PCDHA5: variants seen among roughly 807,000 people sequenced by gnomAD.
PCDHA5 encodes protocadherin alpha-5.
A neutral mutation model predicts 61.6 loss-of-function variants in PCDHA5; 43 were observed. That is an observed-to-expected ratio of 0.70 (90% CI 0.55 to 0.90). The LOEUF (loss-of-function observed/expected upper bound fraction) is 0.90. PCDHA5 is among the 40% of genes least tolerant of loss of function. The pLI is 0.00. For missense variants in PCDHA5, 1,298 were observed against 1,222.7 expected (o/e 1.06, Z -0.92); for synonymous variants, 627 against 543.9 (o/e 1.15, Z -2.13).
At chr5:140,856,650 G>T in intron 1 of PCDHA5, 1 of 1,598,142 alleles carries the variant, frequency 6.3e-7, no homozygotes, top group Admixed American at 1.7e-5. Context: ...CTGCTGGATC[G>T]TGAAGAAAAT....
At chr5:140,997,670 G>A (rs1587757819) in intron 3 of PCDHA5, among the ~76,000 whole-genome samples, 1 of 79,680 alleles carries the variant, frequency 1.3e-5, no homozygotes, top group Non-Finnish European at 2.9e-5. Flanking sequence ...TATACAGCTT[G>A]TGTGTGTGTG....
intron 3 of PCDHA5, among the ~76,000 whole-genome samples, chr5:140,987,258 G>A (rs1292743876): frequency 6.6e-6 from 1 of 151,918 alleles, no homozygotes; most frequent in Non-Finnish European, 1.5e-5. Context: ...ACATTCTCAG[G>A]AATGGGACCC....
intron 1 of PCDHA5, among the ~76,000 whole-genome samples, chr5:140,893,957 G>T (rs1308768731): frequency 1.3e-5 from 2 of 152,100 alleles, no homozygotes; most frequent in African/African-American, 4.8e-5. Context: ...GACTTTATTA[G>T]TCATTAGATA....
In PCDHA5 at chr5:140,835,966, T is replaced by C. The variant is rs2150249207; in HGVS notation, c.2352+11839T>C. The C allele has an allele frequency of 5.6e-6, 9 of 1,613,230 alleles. 1 individual carries two copies. In the South Asian group the frequency reaches 8.8e-5, roughly 16 times the overall value. On this transcript the variant is annotated intron_variant, in intron 1 of 3. Transcript: ENST00000529859. ...CTGCAGCCGTTGGACCACGAGGAGC[T>C]GGAGCTGTTGCAGTTCCAGGTGAGC... is the stretch of plus-strand genomic sequence containing the variant.
intron 2 of PCDHA5, 38 bp from the exon 3 acceptor site, chr5:140,982,437 A>G: frequency 6.2e-7 from 1 of 1,613,390 alleles, no homozygotes; most frequent in East Asian, 2.2e-5. Flanking sequence ...GAAAGAATTT[A>G]TGATCTAACC....
At chr5:140,927,905 C>T in intron 1 of PCDHA5, 3 of 1,614,210 alleles carry the variant, frequency 1.9e-6, no homozygotes, top group Non-Finnish European at 2.5e-6. Context: ...GATCATGCCC[C>T]CGAACTGGAC....
At chr5:140,827,522 A>G (rs1769311626) in intron 1 of PCDHA5, among the ~76,000 whole-genome samples, 2 of 151,350 alleles carry the variant, frequency 1.3e-5, no homozygotes. Flanking sequence ...TAAAAATTCA[A>G]CCAAAATTTG....
In PCDHA5 at chr5:141,010,283, C is replaced by T. The variant is rs1554262872; in HGVS notation, c.*346C>T. ...TGCTCCGGGGATCCTGTCTTGATGACACTTGCAGGGCAGGCTGAAAAGTTT... is the reference window on the plus strand; with the variant it reads ...TGCTCCGGGGATCCTGTCTTGATGATACTTGCAGGGCAGGCTGAAAAGTTT... On this transcript the variant is annotated 3_prime_UTR_variant, in exon 4 of 4. Transcript: ENST00000529859. 6.4e-7 allele frequency: 1 copy of T among 1,551,220 alleles called. No individual in the cohort carries two copies. The highest frequency in any genetic ancestry group is 1.4e-5 in the African/African-American group (1 of 73,110).
Position 140,856,846 on chromosome 5 carries a change from T to C in PCDHA5, c.2352+32719T>C. On this transcript the variant is annotated intron_variant, in intron 1 of 3. Coordinates refer to ENST00000529859, the MANE Select transcript of PCDHA5 (RefSeq NM_018908.3). Reference sequence around the variant, plus strand: ...CATTAGTAATACGGCTCAACGCTTCTGATTCGGATGAAGGAATAAACAAGG... The same window carrying C: ...CATTAGTAATACGGCTCAACGCTTCCGATTCGGATGAAGGAATAAACAAGG... 3.8e-6 allele frequency: 6 copies of C among 1,593,220 alleles called. 1 individual carries two copies. Among genetic ancestry groups the C allele is most frequent in the Non-Finnish European group, 5.2e-6 (6 of 1,163,214 alleles).
intron 1 of PCDHA5, chr5:140,856,524 CG>C (rs2044059008): frequency 6.3e-7 from 1 of 1,598,296 alleles, no homozygotes; most frequent in African/African-American, 1.3e-5. Flanking sequence ...GCATCTGATG[CG>C]GATGTTGGAG....
chr5:140,837,989 C>T (rs1167865074), intron 1 of PCDHA5, among the ~76,000 whole-genome samples: 3 of 151,358 alleles, frequency 2.0e-5, no homozygotes, highest in Non-Finnish European at 4.4e-5. Context: ...TGCCTTTCAT[C>T]TTTCCTTTTT....
At chr5:140,838,058 CT>C in intron 1 of PCDHA5, among the ~76,000 whole-genome samples, 1 of 146,710 alleles carries the variant, frequency 6.8e-6, no homozygotes, top group East Asian at 2.0e-4. Context: ...TGGTTTTCCA[CT>C]TTAAGTTATA....
At chr5:140,908,727 G>A (rs1388044565) in intron 1 of PCDHA5, among the ~76,000 whole-genome samples, 1 of 152,136 alleles carries the variant, frequency 6.6e-6, no homozygotes, top group Non-Finnish European at 1.5e-5. Context: ...GGGTCATATG[G>A]CTCGAGAAAC....
chr5:140,854,084 C>G (rs2150307258), intron 1 of PCDHA5: 2 of 266,726 alleles, frequency 7.5e-6, no homozygotes, highest in East Asian at 3.6e-4. Context: ...ATCGCTTGAG[C>G]CTGGGACATT....
chr5:140,953,467 C>T (rs952334269), intron 1 of PCDHA5, among the ~76,000 whole-genome samples: 1 of 152,090 alleles, frequency 6.6e-6, no homozygotes, highest in African/African-American at 2.4e-5. Context: ...AGAGTTTTAA[C>T]TTCCTCATGC....
chr5:140,872,582 G>A (rs535860760), intron 1 of PCDHA5, among the ~76,000 whole-genome samples: 8 of 152,084 alleles, frequency 5.3e-5, no homozygotes, highest in Non-Finnish European at 1.2e-4. Flanking sequence ...ACCTATCATC[G>A]TGAGACCCCC....
At chr5:141,009,262 C>T (rs2098403740) in intron 3 of PCDHA5, among the ~76,000 whole-genome samples, 2 of 152,112 alleles carry the variant, frequency 1.3e-5, no homozygotes, top group Non-Finnish European at 2.9e-5. Flanking sequence ...TGAGACCAGC[C>T]TGGGCAACAT....
chr5:140,835,559 C>T, intron 1 of PCDHA5: 1 of 1,613,922 alleles, frequency 6.2e-7, no homozygotes, highest in Non-Finnish European at 8.5e-7. Flanking sequence ...TGACGCCCCG[C>T]GTTCCCTTCA....
At position 140,901,836 on chromosome 5, in the gene PCDHA5, G is replaced by A. The variant is rs183480993; in HGVS notation, c.2353-77113G>A. On this transcript the variant is annotated intron_variant, in intron 1 of 3. Coordinates refer to ENST00000529859, the MANE Select transcript of PCDHA5 (RefSeq NM_018908.3). The stretch of plus-strand genomic sequence containing the variant: ...ATTGATTCTTCCAGTCCATAAACAT[G>A]CAATATCTTTCCATTTTTTTGTGTC... 2.6e-3 allele frequency among the ~76,000 whole-genome samples: 395 copies of A among 152,228 alleles called. 2 individuals carry two copies. The highest frequency in any genetic ancestry group is 9.2e-3 in the African/African-American group (384 of 41,554).
Sources: gnomAD v4.1 joint callset for allele counts (sites outside exome capture counted in the v4.1 genomes callset) on GRCh38, gnomAD v4.1.1 for gene constraint, MANE v1.5 for transcripts, NCBI Gene and HGNC (gene_info 2026-07-23, HGNC 2026-07-21) for gene names.